The following RYR1 variants were observed in gnomAD, a reference collection of about 807,000 sequenced individuals.
RYR1 encodes ryanodine receptor 1.
Under a neutral mutation model 583.5 loss-of-function variants are expected in RYR1, and 342 were observed. The observed-to-expected ratio is 0.59, with a 90% CI of 0.54 to 0.64. RYR1 has a LOEUF of 0.64. Among genes scored for constraint, RYR1 ranks in the 30% least tolerant of loss-of-function variants. The pLI is 0.00. For synonymous variants in RYR1, 2,791 were observed against 2,822.5 expected, an observed-to-expected ratio of 0.99 and a Z score of 0.35; for missense variants, 6,032 against 6,917.2, an observed-to-expected ratio of 0.87 and a Z score of 4.54.
At chr19:38,551,176 C>T (rs1257537302) in intron 89 of RYR1, among the ~76,000 whole-genome samples, 4 of 146,958 alleles carry the variant, frequency 2.7e-5, no homozygotes, top group Admixed American at 1.4e-4. Flanking sequence ...CCTCCCAAGT[C>T]GCTGGGATTA....
intron 21 of RYR1, 74 bp downstream of exon 21, chr19:38,463,601 G>T: frequency 6.6e-7 from 1 of 1,518,686 alleles, no homozygotes; most frequent in South Asian, 1.1e-5. Context: ...CTCACCGGCG[G>T]AGAGGAGGGA....
chr19:38,578,659 C>G (rs1390837618), intron 99 of RYR1, among the ~76,000 whole-genome samples: 3 of 152,070 alleles, frequency 2.0e-5, no homozygotes, highest in Non-Finnish European at 4.4e-5. Flanking sequence ...GGCATGGCAG[C>G]AGGTGCCTGT....
intron 39 of RYR1, 152 bp downstream of exon 39, chr19:38,494,777 T>C (rs1337915427): frequency 9.9e-6 from 9 of 905,258 alleles, no homozygotes; most frequent in Non-Finnish European, 1.5e-5. Flanking sequence ...TAATGTCTCC[T>C]TCCCTTACCT....
intron 2 of RYR1, 140 bp from the exon 3 acceptor site, chr19:38,442,209 A>G (rs1600635947): frequency 1.8e-6 from 1 of 557,094 alleles, no homozygotes; most frequent in African/African-American, 4.3e-5. Context: ...GGCAGAGGGC[A>G]GGGCCTTCCT....
At chr19:38,485,552 A>C in intron 33 of RYR1, 38 bp from the exon 34 acceptor site, 1 of 1,604,302 alleles carries the variant, frequency 6.2e-7, no homozygotes, top group Non-Finnish European at 8.5e-7. Flanking sequence ...CAGGAGGCTC[A>C]TTCATCTGTC....
chr19:38,464,012 C>T, intron 22 of RYR1, among the ~76,000 whole-genome samples, 162 bp downstream of exon 22: 1 of 151,840 alleles, frequency 6.6e-6, no homozygotes, highest in East Asian at 1.9e-4. Flanking sequence ...CACGGTGGCT[C>T]ACACCTGTAA....
chr19:38,455,176 G>A lies in RYR1; in HGVS notation c.1441-59G>A, dbSNP rs1600674181. ...AATATGAATTCGTGAATCCAAGAAAGACAAGGAAGGGAGGGCCTGGGTCTC... is the reference window on the plus strand; with the variant it reads ...AATATGAATTCGTGAATCCAAGAAAAACAAGGAAGGGAGGGCCTGGGTCTC... On this transcript the variant is annotated intron_variant, in intron 13 of 105. Coordinates refer to ENST00000359596, the MANE Select transcript of RYR1 (RefSeq NM_000540.3). 2.5e-6 allele frequency: 4 copies of A among 1,593,314 alleles called. No individual in the cohort carries two copies. The East Asian group carries it at 8.9e-5, about 36-fold the overall frequency.
At chr19:38,455,177 A>G in intron 13 of RYR1, 58 bp from the exon 14 acceptor site, 2 of 1,594,032 alleles carry the variant, frequency 1.3e-6, no homozygotes, top group Non-Finnish European at 1.7e-6. Context: ...TCCAAGAAAG[A>G]CAAGGAAGGG....
Position 38,490,194 on chromosome 19 carries a change from G to T in RYR1, c.5933G>T (p.Gly1978Val). ...KLQANQRSRY[G>V]LLIKAFSMTA... ...CAGGCCAACCAGCGGAGCCGCTATG[G>T]CCTCCTCATAAAAGCCTTCAGCATG... The change falls in exon 36 of 106, where the codon GGC becomes GTC. Residue 1978 changes from glycine (G) to valine (V), a missense_variant. Physicochemically the swap from Gly to Val is moderately radical, Grantham distance 109. This residue lies in a region of RYR1 where 2,627 missense variants were observed against 2,961.3 expected (regional missense o/e 0.89). Coordinates refer to ENST00000359596, the MANE Select transcript of RYR1 (RefSeq NM_000540.3). 1 of 1,614,202 alleles carries T rather than the reference G, an allele frequency of 6.2e-7. No homozygotes were observed. The highest frequency in any genetic ancestry group is 8.5e-7 in the Non-Finnish European group (1 of 1,180,050).
In RYR1 at chr19:38,455,348, G is replaced by T. The variant is rs767129076; in HGVS notation, c.1554G>T (p.Val518=). The change falls in exon 14 of 106, where the codon GTG becomes GTT. Residue 518 remains valine, a synonymous_variant. Transcript: ENST00000359596. Reference sequence around the variant, plus strand: ...CAGCCGAGTCCTGGAAAGAGATTGTGAATCTTCTCTATGAACTCCTAGGTA... The same window carrying T: ...CAGCCGAGTCCTGGAAAGAGATTGTTAATCTTCTCTATGAACTCCTAGGTA... ...EEAAESWKEI[V]NLLYELLASL... 1 of 1,613,998 alleles carries T rather than the reference G, an allele frequency of 6.2e-7. No homozygotes were observed. The highest frequency in any genetic ancestry group is 8.5e-7 in the Non-Finnish European group (1 of 1,180,028).
Position 38,534,909 on chromosome 19 carries a change from C to T in RYR1, c.11359+90C>T, listed in dbSNP as rs181217930. 7.2e-5 allele frequency: 102 copies of T among 1,408,738 alleles called. 1 individual carries two copies. In the East Asian group the frequency reaches 2.4e-3, roughly 34 times the overall value. The allele number at this position is 1,408,738 out of a possible 1,614,324, so 87.3% of individuals were successfully genotyped here. A position where few individuals can be genotyped will look rare whatever the true frequency, so the allele number is the denominator to read the frequency against. On this transcript the variant is annotated intron_variant, in intron 79 of 105. Transcript: ENST00000359596. ...CGCCCATTCCCTGTGGACCCATTTG[C>T]CGCCCCTCAATGCCTGTGGTTTGCA...
chr19:38,559,978 T>C (rs979887972), intron 89 of RYR1, among the ~76,000 whole-genome samples: 2 of 150,618 alleles, frequency 1.3e-5, no homozygotes, highest in Non-Finnish European at 2.9e-5. Flanking sequence ...GTTGAGTGAG[T>C]GCGGTCAAGA....
At position 38,499,785 on chromosome 19, in the gene RYR1, A is replaced by C. The variant is rs376251146; in HGVS notation, c.7178A>C (p.Asp2393Ala). 6.2e-7 allele frequency: 1 copy of C among 1,604,016 alleles called. No individual in the cohort carries two copies. Among genetic ancestry groups the C allele is most frequent in the Non-Finnish European group, 8.5e-7 (1 of 1,179,164 alleles). The change falls in exon 44 of 106, where the codon GAT becomes GCT. Residue 2393 changes from aspartate (D) to alanine (A), a missense_variant. Physicochemically the swap from Asp to Ala is moderately radical, Grantham distance 126. This residue lies in a region of RYR1 where 2,627 missense variants were observed against 2,961.3 expected (regional missense o/e 0.89). Coordinates refer to ENST00000359596, the MANE Select transcript of RYR1 (RefSeq NM_000540.3). The surrounding 1 kb of genome is among the most constrained non-coding windows in gnomAD (Gnocchi z 7.3). ...CGCATCTCCGAGGACCCTGCGAGGG[A>C]TGGCCCAGGCATCCGCAGGGACCGG... ...AIRISEDPAR[D>A]GPGIRRDRRR...
intron 67 of RYR1, among the ~76,000 whole-genome samples, chr19:38,520,141 T>C (rs1168074473): frequency 6.7e-6 from 1 of 150,114 alleles, no homozygotes; most frequent in African/African-American, 2.5e-5. Context: ...TGTGGCATGA[T>C]CATGGCTTGC....
chr19:38,481,172 G>C (rs536882509), intron 31 of RYR1, among the ~76,000 whole-genome samples: 1 of 151,946 alleles, frequency 6.6e-6, no homozygotes, highest in African/African-American at 2.4e-5. Flanking sequence ...TGTCACCCAG[G>C]CTGGTGCACA....
At chr19:38,538,242 A>G (rs1330293242) in intron 84 of RYR1, among the ~76,000 whole-genome samples, 3 of 152,142 alleles carry the variant, frequency 2.0e-5, no homozygotes, top group Non-Finnish European at 4.4e-5. Flanking sequence ...TACTAAAAAT[A>G]TAAAAAAAAT....
intron 89 of RYR1, among the ~76,000 whole-genome samples, chr19:38,556,158 T>C (rs1192010694): frequency 6.6e-6 from 1 of 151,386 alleles, no homozygotes; most frequent in East Asian, 2.0e-4. Context: ...GTCACCATAA[T>C]TTTAAATTTT....
At position 38,558,599 on chromosome 19, in the gene RYR1, C is replaced by T. The variant is rs1035572444; in HGVS notation, c.12283-2514C>T. Among the ~76,000 whole-genome samples the T allele has an allele frequency of 6.6e-5, 10 of 151,602 alleles. No homozygotes were observed. The South Asian group carries it at 1.0e-3, about 16-fold the overall frequency. ...TTCAAGACCAGCCTGGCCAACATGG[C>T]GAAACCCCATCTCTACTAAAAATAC... On this transcript the variant is annotated intron_variant, in intron 89 of 105. Transcript: ENST00000359596.
rs374115286 is a variant in RYR1 at position 38,485,635 on chromosome 19, C to T, written c.4980C>T (p.Arg1660=). 114 of 1,610,332 alleles carry T rather than the reference C, an allele frequency of 7.1e-5. No homozygotes were observed. In the Middle Eastern group the frequency reaches 1.0e-3, roughly 14 times the overall value. Residue 1660 remains arginine, a synonymous_variant, in exon 34 of 106, where the codon CGC becomes CGT. Coordinates refer to ENST00000359596, the MANE Select transcript of RYR1 (RefSeq NM_000540.3). ...LELSERLDLQ[R]FHSHTLRLYR... ...TGTCGGAGCGCCTGGACCTGCAGCG[C>T]TTCCACTCGCACACCCTGCGCCTCT... is the stretch of plus-strand genomic sequence containing the variant.
Sources: gnomAD v4.1 joint callset for allele counts (sites outside exome capture counted in the v4.1 genomes callset) on GRCh38, gnomAD v4.1.1 for gene constraint, gnomAD v4.1.1 regional missense constraint, Gnocchi (gnomAD v3.1) non-coding constraint, MANE v1.5 for transcripts, NCBI Gene and HGNC (gene_info 2026-07-23, HGNC 2026-07-21) for gene names.